The following CDC7 variants were observed in gnomAD, a reference collection of about 807,000 sequenced individuals.
CDC7 encodes cell division cycle 7-related protein kinase.
In CDC7, 34 loss-of-function variants were observed where a neutral mutation model predicts 53.5. The ratio of observed to expected loss-of-function variants is 0.64; its 90% CI spans 0.48 to 0.85. The LOEUF is 0.85. Ranked by LOEUF, CDC7 falls within the 40% of genes least tolerant of loss-of-function variation. CDC7 has a pLI of 0.00. For missense variants in CDC7, 594 were observed against 679.7 expected, an observed-to-expected ratio of 0.87 and a Z score of 1.40; for synonymous variants, 211 against 222.8, an observed-to-expected ratio of 0.95 and a Z score of 0.47.
Position 91,514,950 on chromosome 1 carries a change from C to G in CDC7, c.1050C>G (p.Thr350=), listed in dbSNP as rs754850158. 23 of 1,613,912 alleles carry G rather than the reference C, an allele frequency of 1.4e-5. No individual in the cohort carries two copies. In the South Asian group the frequency reaches 2.0e-4, roughly 14 times the overall value. The change falls in exon 9 of 12, where the codon ACC becomes ACG. Residue 350 remains threonine (T), a synonymous_variant. Coordinates refer to ENST00000234626, the MANE Select transcript of CDC7 (RefSeq NM_003503.4). ...KTASSCPASL[T]CDCYATDKVC... The stretch of plus-strand genomic sequence containing the variant: ...CCAGTTCTTGCCCAGCTAGCCTGAC[C>G]TGTGACTGCTATGCAACAGATAAAG...
In CDC7 at chr1:91,511,910, A is replaced by C. The variant is rs777805381; in HGVS notation, c.559A>C (p.Arg187=). 1 of 1,581,730 alleles carries C rather than the reference A, an allele frequency of 6.3e-7. No individual in the cohort carries two copies. Among genetic ancestry groups the C allele is most frequent in the Admixed American group, 1.7e-5 (1 of 58,168 alleles). Residue 187 remains arginine, a synonymous_variant, in exon 6 of 12, where the codon AGG becomes CGG. Coordinates refer to ENST00000234626, the MANE Select transcript of CDC7 (RefSeq NM_003503.4). The part of the protein sequence containing the change: ...DVKPSNFLYN[R]RLKKYALVDF... ...TAAGCCCAGCAATTTTTTATATAAT[A>C]GGCGCCTGAAAAAGTAAGTATGAAG...
intron 11 of CDC7, among the ~76,000 whole-genome samples, chr1:91,521,277 T>A (rs889219030): frequency 3.2e-4 from 48 of 152,322 alleles, no homozygotes; most frequent in African/African-American, 1.2e-3. Flanking sequence ...TTAGGAAGGC[T>A]CCAGCCTTGT....
At chr1:91,515,900 AC>A (rs1269345556) in intron 10 of CDC7, 24 bp downstream of exon 10, 5 of 1,556,240 alleles carry the variant, frequency 3.2e-6, no homozygotes, top group Non-Finnish European at 2.7e-6. Context: ...GAAATACAGA[AC>A]CTAGTTAAAA....
chr1:91,507,531 A>G (rs1667054776), intron 2 of CDC7, among the ~76,000 whole-genome samples: 1 of 152,184 alleles, frequency 6.6e-6, no homozygotes, highest in Non-Finnish European at 1.5e-5. Context: ...TAGTGATCAC[A>G]GCACAAATTG....
Position 91,524,887 on chromosome 1 carries a change from TAAA to T in CDC7, c.*453_*455del, listed in dbSNP as rs13447559. Reference sequence around the variant, plus strand: ...CTGGTGCTCTTAACAATTTTGTAAATAAAGAAGATAATTTCCTTTTCTAGAGGT... The same window carrying T: ...CTGGTGCTCTTAACAATTTTGTAAATGAAGATAATTTCCTTTTCTAGAGGT... On this transcript the variant is annotated 3_prime_UTR_variant, in exon 12 of 12. Transcript: ENST00000234626. 0.28 allele frequency: 43,463 copies of T among 153,242 alleles called. 6,368 individuals carry two copies. The highest frequency in any genetic ancestry group is 0.47 in the East Asian group (2,444 of 5,160). The allele number at this position is 153,242 out of a possible 1,614,324, so 9.5% of individuals were successfully genotyped here. A position where few individuals can be genotyped will look rare whatever the true frequency, so the allele number is the denominator to read the frequency against.
chr1:91,506,223 C>T (rs1666980430), intron 2 of CDC7, among the ~76,000 whole-genome samples: 1 of 152,052 alleles, frequency 6.6e-6, no homozygotes, highest in Admixed American at 6.5e-5. Context: ...GGGTCTCAAA[C>T]ACCTGGCCTC....
rs201273471 is a variant in CDC7 at position 91,514,920 on chromosome 1, A to G, written c.1020A>G (p.Lys340=). The G allele has an allele frequency of 1.2e-6, 2 of 1,613,926 alleles. No homozygotes were observed. Among genetic ancestry groups the G allele is most frequent in the Non-Finnish European group, 1.7e-6 (2 of 1,179,844 alleles). ...TTATGAATAGTGCTGTGATGAGGAA[A>G]ACTGCCAGTTCTTGCCCAGCTAGCC... is the stretch of plus-strand genomic sequence containing the variant. ...TKVMNSAVMR[K]TASSCPASLT... The change falls in exon 9 of 12, where the codon AAA becomes AAG. Residue 340 remains lysine (K), a synonymous_variant. Coordinates refer to ENST00000234626, the MANE Select transcript of CDC7 (RefSeq NM_003503.4).
At position 91,525,043 on chromosome 1, in the gene CDC7, A is replaced by G. The variant is rs746768362; in HGVS notation, c.*608A>G. On this transcript the variant is annotated 3_prime_UTR_variant, in exon 12 of 12. Coordinates refer to ENST00000234626, the MANE Select transcript of CDC7 (RefSeq NM_003503.4). ...TGAAAGCATTCTGGTGTGAATTGCC[A>G]TTTTTTTCTTACTGGCTTCTCAATT... 6.6e-6 allele frequency: 1 copy of G among 152,026 alleles called. No individual in the cohort carries two copies. The highest frequency in any genetic ancestry group is 1.5e-5 in the Non-Finnish European group (1 of 67,970). The allele number at this position is 152,026 out of a possible 1,614,324, so 9.4% of individuals were successfully genotyped here.
chr1:91,519,576 C>T (rs933816327), intron 10 of CDC7, among the ~76,000 whole-genome samples: 7 of 152,290 alleles, frequency 4.6e-5, no homozygotes, highest in Non-Finnish European at 8.8e-5. Context: ...TCAATATATA[C>T]ACCTACTGTG....
chr1:91,516,486 A>G (rs1172437411), intron 10 of CDC7, among the ~76,000 whole-genome samples: 2 of 152,218 alleles, frequency 1.3e-5, no homozygotes, highest in Admixed American at 1.3e-4. Context: ...AAATGTATTC[A>G]TTCATTGAAT....
intron 2 of CDC7, among the ~76,000 whole-genome samples, chr1:91,502,373 G>C (rs1666736603): frequency 6.6e-6 from 1 of 152,118 alleles, no homozygotes; most frequent in South Asian, 2.1e-4. Flanking sequence ...TTCTGCTCTG[G>C]CACAGGACCT....
intron 10 of CDC7, among the ~76,000 whole-genome samples, chr1:91,517,813 T>C (rs1667647637): frequency 6.6e-6 from 1 of 151,804 alleles, no homozygotes; most frequent in African/African-American, 2.4e-5. Flanking sequence ...GAAAGGCAAG[T>C]AGGGCCGGGC....
intron 10 of CDC7, among the ~76,000 whole-genome samples, chr1:91,517,571 C>T (rs1404812701): frequency 6.6e-6 from 1 of 152,048 alleles, no homozygotes; most frequent in Non-Finnish European, 1.5e-5. Context: ...GTGGGACATC[C>T]AAATAGAGAT....
At chr1:91,503,010 A>G (rs182039021) in intron 2 of CDC7, among the ~76,000 whole-genome samples, 8 of 151,856 alleles carry the variant, frequency 5.3e-5, no homozygotes, top group Admixed American at 3.3e-4. Flanking sequence ...TTCTTTTTCT[A>G]TTGCTTAGGA....
At chr1:91,517,793 A>G (rs1269847759) in intron 10 of CDC7, among the ~76,000 whole-genome samples, 2 of 152,024 alleles carry the variant, frequency 1.3e-5, no homozygotes, top group Non-Finnish European at 2.9e-5. Flanking sequence ...AGAGGTACCA[A>G]AGGAGCTAAG....
chr1:91,518,116 AG>A (rs1479997443), intron 10 of CDC7, among the ~76,000 whole-genome samples: 5 of 149,048 alleles, frequency 3.4e-5, no homozygotes, highest in Non-Finnish European at 7.4e-5. Context: ...AAAAAAAAAA[AG>A]GTGATACAGT....
Position 91,525,484 on chromosome 1 carries a change from A to G in CDC7, c.*1049A>G, listed in dbSNP as rs1668219968. 6.6e-6 allele frequency: 1 copy of G among 152,168 alleles called. No individual in the cohort carries two copies. Among genetic ancestry groups the G allele is most frequent in the African/African-American group, 2.4e-5 (1 of 41,466 alleles). The allele number at this position is 152,168 out of a possible 1,614,324, so 9.4% of individuals were successfully genotyped here. A position where few individuals can be genotyped will look rare whatever the true frequency, so the allele number is the denominator to read the frequency against. ...AGAGGTTTATATTCAGAAATGGTATATATCAATGACAGCATATCAAACTTC... is the reference window on the plus strand; with the variant it reads ...AGAGGTTTATATTCAGAAATGGTATGTATCAATGACAGCATATCAAACTTC... On this transcript the variant is annotated 3_prime_UTR_variant, in exon 12 of 12. Coordinates refer to ENST00000234626, the MANE Select transcript of CDC7 (RefSeq NM_003503.4).
At chr1:91,519,256 C>CAAA (rs71087957) in intron 10 of CDC7, among the ~76,000 whole-genome samples, 613 of 60,188 alleles carry the variant, frequency 0.01, 18 homozygotes, top group South Asian at 0.024. Context: ...ACTAAAAATA[C>CAAA]AAAAAAAAAA....
rs538167686 is a variant in CDC7, at chr1:91,503,350, A to G, written c.115+1519A>G. Among the ~76,000 whole-genome samples, 15 of 152,348 alleles carry G rather than the reference A, an allele frequency of 9.8e-5. No individual in the cohort carries two copies. In the South Asian group the frequency reaches 2.9e-3, roughly 29 times the overall value. On this transcript the variant is annotated intron_variant, in intron 2 of 11. Coordinates refer to ENST00000234626, the MANE Select transcript of CDC7 (RefSeq NM_003503.4). ...TAATAACAGCTAAAGTTATATAAACATAACTTCAATAGGGAGCAAAGCTGA... is the reference window on the plus strand; with the variant it reads ...TAATAACAGCTAAAGTTATATAAACGTAACTTCAATAGGGAGCAAAGCTGA...
Sources: gnomAD v4.1 joint callset for allele counts (sites outside exome capture counted in the v4.1 genomes callset) on GRCh38, gnomAD v4.1.1 for gene constraint, MANE v1.5 for transcripts, NCBI Gene and HGNC (gene_info 2026-07-23, HGNC 2026-07-21) for gene names.